ZNRF3: variants seen among roughly 807,000 people sequenced by gnomAD.
ZNRF3 encodes zinc and ring finger 3.
Under a neutral mutation model 72.5 loss-of-function variants are expected in ZNRF3, and 23 were observed. That is an observed-to-expected ratio of 0.32 (90% CI 0.23 to 0.45). ZNRF3 has a LOEUF of 0.45. Ranked by LOEUF, ZNRF3 falls within the 20% of genes least tolerant of loss-of-function variation. The probability of loss-of-function intolerance (pLI) is 1.00; values close to 1 mark genes in which losing one functional copy is unlikely to be tolerated. For missense variants in ZNRF3, 1,169 were observed against 1,272.1 expected, an observed-to-expected ratio of 0.92 and a Z score of 1.23; for synonymous variants, 610 against 545.3, an observed-to-expected ratio of 1.12 and a Z score of -1.65.
intron 3 of ZNRF3, among the ~76,000 whole-genome samples, chr22:29,042,860 C>A (rs535165139): frequency 6.6e-5 from 10 of 151,818 alleles, no homozygotes; most frequent in Admixed American, 2.6e-4. Context: ...CTGCAATCTC[C>A]ACCTCCCGGG....
chr22:28,945,558 TCTTGCTCTGTGGCCAGG>T (rs965193608), intron 1 of ZNRF3, among the ~76,000 whole-genome samples: 8 of 149,454 alleles, frequency 5.4e-5, no homozygotes, highest in African/African-American at 7.4e-5. Context: ...TAAGACGGAG[TCTTGCTCTGTGGCCAGG>T]CTGGAGTGCA....
intron 1 of ZNRF3, among the ~76,000 whole-genome samples, chr22:28,897,849 G>C (rs183063721): frequency 2.6e-5 from 4 of 152,212 alleles, no homozygotes; most frequent in Admixed American, 2.0e-4. Context: ...ATTATTTACC[G>C]AACCGGAATT....
At chr22:28,903,333 G>A (rs556571187) in intron 1 of ZNRF3, among the ~76,000 whole-genome samples, 2 of 152,278 alleles carry the variant, frequency 1.3e-5, no homozygotes, top group South Asian at 4.1e-4. Context: ...GAGGAAAGGA[G>A]GGTGCTGATT....
At chr22:28,903,615 CT>C (rs1346498681) in intron 1 of ZNRF3, among the ~76,000 whole-genome samples, 5 of 152,124 alleles carry the variant, frequency 3.3e-5, no homozygotes, top group Non-Finnish European at 7.4e-5. Context: ...AGACTGGGCT[CT>C]GCATTCCTCT....
chr22:29,053,883 T>C lies in ZNRF3; in HGVS notation c.*261T>C, dbSNP rs1462816941. ...GTTGTTCTGTTTTGTAAAGTGTGTG[T>C]GCTTGGGGTTCCGAGGTGTGGGATT... On this transcript the variant is annotated 3_prime_UTR_variant, in exon 9 of 9. Coordinates refer to ENST00000544604, the MANE Select transcript of ZNRF3 (RefSeq NM_001206998.2). 1 of 336,380 alleles carries C rather than the reference T, an allele frequency of 3.0e-6. No homozygotes were observed. Among genetic ancestry groups the C allele is most frequent in the Non-Finnish European group, 5.4e-6 (1 of 186,404 alleles). The allele number at this position is 336,380 out of a possible 1,614,324, so 20.8% of individuals were successfully genotyped here.
chr22:28,974,064 C>T (rs973045743), intron 1 of ZNRF3, among the ~76,000 whole-genome samples: 1 of 150,412 alleles, frequency 6.6e-6, no homozygotes, highest in Non-Finnish European at 1.5e-5. Context: ...TTCACGCCAT[C>T]CTCCCGCCTC....
intron 1 of ZNRF3, among the ~76,000 whole-genome samples, chr22:28,920,490 C>T (rs375746852): frequency 3.3e-5 from 5 of 152,192 alleles, no homozygotes; most frequent in South Asian, 2.1e-4. Flanking sequence ...AGGCTTGTCT[C>T]GAACTCCTGA....
At chr22:29,051,346 A>G (rs1473714818) in intron 8 of ZNRF3, among the ~76,000 whole-genome samples, 1 of 152,114 alleles carries the variant, frequency 6.6e-6, no homozygotes, top group East Asian at 1.9e-4. Context: ...CAGGAGTTGG[A>G]GACAGCCTGG....
chr22:29,051,342 T>C (rs983752581), intron 8 of ZNRF3, among the ~76,000 whole-genome samples: 1 of 151,336 alleles, frequency 6.6e-6, no homozygotes, highest in African/African-American at 2.4e-5. Context: ...AGGCCAGGAG[T>C]TGGAGACAGC....
At chr22:28,958,554 C>A (rs2035300124) in intron 1 of ZNRF3, among the ~76,000 whole-genome samples, 1 of 152,156 alleles carries the variant, frequency 6.6e-6, no homozygotes, top group Non-Finnish European at 1.5e-5. Flanking sequence ...GGGCAGTAAT[C>A]ACTCTCCTGC....
At chr22:28,996,918 T>TG (rs1237088749) in intron 2 of ZNRF3, among the ~76,000 whole-genome samples, 1 of 152,204 alleles carries the variant, frequency 6.6e-6, no homozygotes, top group Non-Finnish European at 1.5e-5. Context: ...ATTGTGGGGA[T>TG]GAGGGGCCTT....
chr22:28,932,693 C>T (rs1026377794), intron 1 of ZNRF3, among the ~76,000 whole-genome samples: 1 of 152,134 alleles, frequency 6.6e-6, no homozygotes, highest in Non-Finnish European at 1.5e-5. Context: ...AGAGCTGACC[C>T]GTATTGCCTT....
chr22:28,944,584 G>T (rs904282447), intron 1 of ZNRF3, among the ~76,000 whole-genome samples: 10 of 151,964 alleles, frequency 6.6e-5, no homozygotes, highest in Admixed American at 2.0e-4. Context: ...GCGAAACCCT[G>T]TCTCTACTAA....
At chr22:28,944,665 G>C (rs1432442660) in intron 1 of ZNRF3, among the ~76,000 whole-genome samples, 1 of 150,142 alleles carries the variant, frequency 6.7e-6, no homozygotes, top group Non-Finnish European at 1.5e-5. Flanking sequence ...TGAGGAAGGA[G>C]AATCACTTGA....
chr22:28,992,544 G>C (rs766885557), intron 2 of ZNRF3, among the ~76,000 whole-genome samples: 10 of 152,096 alleles, frequency 6.6e-5, no homozygotes, highest in Middle Eastern at 3.2e-3. Context: ...TTCCAGAAAA[G>C]GGATTCATTG....
rs1255557696 is a variant in ZNRF3, at chr22:29,055,778, A to G, written c.*2156A>G. On this transcript the variant is annotated 3_prime_UTR_variant, in exon 9 of 9. Transcript: ENST00000544604. ...AACTGCAAAAAGCAGCTTCTCACTG[A>G]TATTTTTTTGTTGTTGTTTCTGGGG... 6.7e-6 allele frequency: 1 copy of G among 150,284 alleles called. No homozygotes were observed. Among genetic ancestry groups the G allele is most frequent in the Non-Finnish European group, 1.5e-5 (1 of 67,782 alleles). 9.3% of individuals were successfully genotyped at this position (150,284 alleles called of 1,614,324 possible).
chr22:28,926,573 T>C (rs929758003), intron 1 of ZNRF3, among the ~76,000 whole-genome samples: 7 of 151,520 alleles, frequency 4.6e-5, no homozygotes, highest in African/African-American at 1.7e-4. Context: ...TTTCGGAAGC[T>C]GAGGTGGGCG....
At chr22:28,928,383 C>T (rs181357459) in intron 1 of ZNRF3, among the ~76,000 whole-genome samples, 1 of 152,064 alleles carries the variant, frequency 6.6e-6, no homozygotes, top group Non-Finnish European at 1.5e-5. Context: ...CTTAGTACTC[C>T]AACATATATA....
chr22:28,962,535 G>A (rs2035382150), intron 1 of ZNRF3, among the ~76,000 whole-genome samples: 2 of 152,218 alleles, frequency 1.3e-5, no homozygotes, highest in African/African-American at 4.8e-5. Context: ...TCGTAGAGGT[G>A]CTACAGGCAG....
Sources: allele counts gnomAD v4.1 joint callset (sites outside exome capture counted in the v4.1 genomes callset), GRCh38; gene constraint gnomAD v4.1.1; transcripts MANE v1.5; gene names NCBI Gene and HGNC (gene_info 2026-07-23, HGNC 2026-07-21).